Variants in CDC45 observed in about 807,000 individuals in gnomAD.
The protein encoded by CDC45 is cell division cycle 45, also known as cell division control protein 45 homolog.
A neutral mutation model predicts 77.8 loss-of-function variants in CDC45; 54 were observed. That is an observed-to-expected ratio of 0.69 (90% CI 0.56 to 0.87). The LOEUF (loss-of-function observed/expected upper bound fraction) is 0.87. CDC45 is among the 40% of genes least tolerant of loss of function. CDC45 has a pLI of 0.00. For synonymous variants in CDC45, 260 were observed against 272.1 expected (o/e 0.96, Z 0.44); for missense variants, 649 against 721.6 (o/e 0.90, Z 1.15).
intron 3 of CDC45, 38 bp downstream of exon 3, chr22:19,481,083 C>T: frequency 7.6e-7 from 1 of 1,315,260 alleles, no homozygotes; most frequent in Non-Finnish European, 1.1e-6. Context: ...TGGCTTTTTA[C>T]TCAATTGTAA....
chr22:19,503,424 A>C (rs1932977886), intron 9 of CDC45, among the ~76,000 whole-genome samples: 1 of 152,132 alleles, frequency 6.6e-6, no homozygotes. Context: ...CGAGGCTCAT[A>C]CTTGCCCCTG....
intron 6 of CDC45, chr22:19,494,715 T>TA: frequency 1.2e-6 from 1 of 840,322 alleles, no homozygotes; most frequent in Non-Finnish European, 1.9e-6. Context: ...AAAATGAAAA[T>TA]ATTGGAAAGG....
At chr22:19,495,796 T>G (rs1319960189) in intron 6 of CDC45, among the ~76,000 whole-genome samples, 185 bp from the exon 7 acceptor site, 1 of 152,184 alleles carries the variant, frequency 6.6e-6, no homozygotes, top group Non-Finnish European at 1.5e-5. Flanking sequence ...CACTTCAGCC[T>G]GGGAGACATA....
intron 13 of CDC45, among the ~76,000 whole-genome samples, chr22:19,513,728 T>C (rs1933634374): frequency 6.6e-6 from 1 of 152,242 alleles, no homozygotes; most frequent in African/African-American, 2.4e-5. Flanking sequence ...AAAGGGCGCA[T>C]GTGAGATAAA....
rs781755796 is a variant in CDC45 at position 19,507,401 on chromosome 22, C to G, written c.840C>G (p.Leu280=). Residue 280 remains leucine (L), a synonymous_variant, in exon 11 of 19, where the codon CTC becomes CTG. Transcript: ENST00000263201. Reference sequence around the variant, plus strand: ...GCAGGCCCAGCCTCCGCCTGGTGCTCTACCAGCACTGGTCCCTCCATGACA... The same window carrying G: ...GCAGGCCCAGCCTCCGCCTGGTGCTGTACCAGCACTGGTCCCTCCATGACA... The part of the protein sequence containing the change: ...ISFEYDLRLV[L]YQHWSLHDSL... 2 of 1,614,080 alleles carry G rather than the reference C, an allele frequency of 1.2e-6. No homozygotes were observed. Among genetic ancestry groups the G allele is most frequent in the East Asian group, 2.2e-5 (1 of 44,882 alleles).
At chr22:19,482,595 T>C in intron 3 of CDC45, 95 bp from the exon 4 acceptor site, 1 of 1,349,060 alleles carries the variant, frequency 7.4e-7, no homozygotes, top group South Asian at 1.4e-5. Flanking sequence ...TGTCAGGGAC[T>C]GAGTGAGTTT....
chr22:19,486,752 G>A (rs913960199), intron 5 of CDC45, among the ~76,000 whole-genome samples: 3 of 151,954 alleles, frequency 2.0e-5, no homozygotes, highest in African/African-American at 7.2e-5. Context: ...GTACGATCTC[G>A]GCTCACTGCA....
At chr22:19,502,247 CAA>C (rs1932926330) in intron 9 of CDC45, among the ~76,000 whole-genome samples, 1 of 152,092 alleles carries the variant, frequency 6.6e-6, no homozygotes, top group Non-Finnish European at 1.5e-5. Context: ...CCAGTAGAGA[CAA>C]ATATAAAATC....
At chr22:19,487,663 C>T (rs1358698782) in intron 5 of CDC45, among the ~76,000 whole-genome samples, 1 of 152,100 alleles carries the variant, frequency 6.6e-6, no homozygotes, top group African/African-American at 2.4e-5. Context: ...CCTGTAATCC[C>T]AGCACTTTGG....
chr22:19,479,520 T>G (rs946464315), upstream of CDC45: 7 of 570,044 alleles, frequency 1.2e-5, no homozygotes, highest in African/African-American at 1.1e-4. Context: ...CTACAAATCC[T>G]TCTTCAAACC....
At chr22:19,480,851 G>A (rs1214174679) in intron 2 of CDC45, 102 bp from the exon 3 acceptor site, 5 of 686,524 alleles carry the variant, frequency 7.3e-6, no homozygotes, top group Non-Finnish European at 1.0e-5. Context: ...ATGTTATCCC[G>A]TGTCTTTTGT....
chr22:19,504,653 T>A lies in CDC45; in HGVS notation c.705-709T>A, dbSNP rs545455225. ...GTGAGGGGCTGGAAAATTGGGAGAG[T>A]TGATTGGTGGGGCAAGGGGGATGTA... On this transcript the variant is annotated intron_variant, in intron 9 of 18. Transcript: ENST00000263201. Among the ~76,000 whole-genome samples the A allele has an allele frequency of 4.0e-5, 6 of 151,688 alleles. 1 individual carries two copies. Among genetic ancestry groups the A allele is most frequent in the Admixed American group, 1.3e-4 (2 of 15,212 alleles).
intron 6 of CDC45, among the ~76,000 whole-genome samples, chr22:19,495,245 T>A (rs895142704): frequency 1.3e-5 from 2 of 152,266 alleles, no homozygotes; most frequent in Admixed American, 6.5e-5. Flanking sequence ...TATAACCATT[T>A]AAAATAGTTC....
At position 19,482,823 on chromosome 22, in the gene CDC45, C is replaced by T. The variant is rs773987825; in HGVS notation, c.338C>T (p.Thr113Ile). The T allele has an allele frequency of 1.5e-5, 24 of 1,613,854 alleles. No individual in the cohort carries two copies. The highest frequency in any genetic ancestry group is 2.0e-5 in the Non-Finnish European group (24 of 1,179,772). Residue 113 changes from threonine (T) to isoleucine (I), a missense_variant, in exon 4 of 19, where the codon ACC (threonine) becomes ATC (isoleucine). Thr to Ile is a moderately conservative substitution (Grantham distance 89, BLOSUM62 -1). Transcript: ENST00000263201. ...AATGTCGTCAATGTATACAACGATACCCAGGTACTTTTTGTGCTATGCCCT... is the reference window on the plus strand; with the variant it reads ...AATGTCGTCAATGTATACAACGATATCCAGGTACTTTTTGTGCTATGCCCT... ...PVNVVNVYNDTQIKLLIKQDD... is the reference protein window; with the variant it reads ...PVNVVNVYNDIQIKLLIKQDD...
At position 19,505,343 on chromosome 22, in the gene CDC45, G is replaced by C. The variant is rs904651781; in HGVS notation, c.705-19G>C. 4.3e-6 allele frequency: 7 copies of C among 1,614,086 alleles called. No homozygotes were observed. The South Asian group carries it at 7.7e-5, about 18-fold the overall frequency. On this transcript the variant is annotated intron_variant, in intron 9 of 18. Coordinates refer to ENST00000263201, the MANE Select transcript of CDC45 (RefSeq NM_003504.5). ...AGCTGGAGGGAACCAGCCGAGGCTTGTGCTACTTTTTTTTCCAGAATGAAA... is the reference window on the plus strand; with the variant it reads ...AGCTGGAGGGAACCAGCCGAGGCTTCTGCTACTTTTTTTTCCAGAATGAAA...
intron 8 of CDC45, among the ~76,000 whole-genome samples, chr22:19,497,652 G>A (rs1216969945): frequency 6.6e-6 from 1 of 152,190 alleles, no homozygotes; most frequent in East Asian, 1.9e-4. Context: ...GGGACTTGGA[G>A]TGTCGGAGAA....
intron 12 of CDC45, 47 bp from the exon 13 acceptor site, chr22:19,508,483 G>A (rs530577103): frequency 2.7e-5 from 43 of 1,607,912 alleles, no homozygotes; most frequent in Non-Finnish European, 3.6e-5. Context: ...GGCAGTGAGA[G>A]CTTGCCCACA....
At chr22:19,492,854 C>T (rs1487866622) in intron 5 of CDC45, among the ~76,000 whole-genome samples, 1 of 152,182 alleles carries the variant, frequency 6.6e-6, no homozygotes, top group African/African-American at 2.4e-5. Context: ...CCAGGCTTCC[C>T]ACTTTGCTGC....
rs574763246 is a variant in CDC45, at chr22:19,507,671, G to A, written c.957-95G>A. 1,462 of 1,340,546 alleles carry A rather than the reference G, an allele frequency of 1.1e-3. 7 individuals carry two copies. Among genetic ancestry groups the A allele is most frequent in the East Asian group, 3.7e-3 (160 of 43,252 alleles). 83.0% of individuals were successfully genotyped at this position (1,340,546 alleles called of 1,614,324 possible). On this transcript the variant is annotated intron_variant, in intron 11 of 18. Coordinates refer to ENST00000263201, the MANE Select transcript of CDC45 (RefSeq NM_003504.5). ...CCCAGAATATCTTCTGAATGCTGGT[G>A]CGGGGACATCCTCGCTTGCCCTTGG...
Sources: allele counts gnomAD v4.1 joint callset (sites outside exome capture counted in the v4.1 genomes callset), GRCh38; gene constraint gnomAD v4.1.1; transcripts MANE v1.5; gene names NCBI Gene and HGNC (gene_info 2026-07-23, HGNC 2026-07-21).